Variants in MAGI3 observed in about 807,000 individuals in gnomAD.
MAGI3 encodes the protein membrane associated guanylate kinase, WW and PDZ domain containing 3, also known as membrane-associated guanylate kinase, WW and PDZ domain-containing protein 3.
A neutral mutation model predicts 121.8 loss-of-function variants in MAGI3; 43 were observed. The observed-to-expected ratio is 0.35, with a 90% CI of 0.28 to 0.46. The LOEUF is 0.46. MAGI3 is among the 20% of genes least tolerant of loss of function. MAGI3 has a pLI of 1.00. For missense variants in MAGI3, 1,547 were observed against 1,797.3 expected (o/e 0.86, Z 2.52); for synonymous variants, 553 against 639.3 (o/e 0.86, Z 2.04).
intron 9 of MAGI3, among the ~76,000 whole-genome samples, chr1:113,633,465 T>C (rs1328358920): frequency 6.0e-5 from 9 of 149,778 alleles, no homozygotes; most frequent in Non-Finnish European, 1.0e-4. Flanking sequence ...GTTTCACCGT[T>C]TTAGCCGGGA....
intron 1 of MAGI3, among the ~76,000 whole-genome samples, chr1:113,438,023 T>C (rs1403521500): frequency 6.6e-6 from 1 of 151,480 alleles, no homozygotes; most frequent in Non-Finnish European, 1.5e-5. Flanking sequence ...GGAACTCCTG[T>C]GCTCAAGTGA....
chr1:113,391,054 G>T lies in MAGI3; in HGVS notation c.21G>T (p.Lys7Asn). 6.3e-7 allele frequency: 1 copy of T among 1,590,890 alleles called. No individual in the cohort carries two copies. The highest frequency in any genetic ancestry group is 8.5e-7 in the Non-Finnish European group (1 of 1,169,854). ...TCGGGATGTCGAAGACGCTGAAGAA[G>T]AAGAAGCACTGGCTCAGCAAGGTGC... MSKTLK[K>N]KKHWLSKVQE... is the part of the protein sequence containing the mutation. Residue 7 changes from lysine to asparagine, a missense_variant, in exon 1 of 21, where the codon AAG (lysine) becomes AAT (asparagine). Transcript: ENST00000307546. The surrounding 1 kb of genome is among the most constrained non-coding windows in gnomAD (Gnocchi z 4.4).
At chr1:113,407,400 T>C (rs1651742519) in intron 1 of MAGI3, among the ~76,000 whole-genome samples, 1 of 152,122 alleles carries the variant, frequency 6.6e-6, no homozygotes, top group Non-Finnish European at 1.5e-5. Flanking sequence ...AGGTTTTTGC[T>C]TTGAGTAACT....
At chr1:113,680,525 AG>A (rs1277986604) in intron 19 of MAGI3, among the ~76,000 whole-genome samples, 2 of 152,180 alleles carry the variant, frequency 1.3e-5, no homozygotes, top group Admixed American at 1.3e-4. Flanking sequence ...TAGGAGGCTG[AG>A]GCGGGCGGAT....
At chr1:113,672,523 G>A (rs1372894839) in intron 17 of MAGI3, 92 bp from the exon 18 acceptor site, 1 of 1,414,124 alleles carries the variant, frequency 7.1e-7, no homozygotes, top group Non-Finnish European at 9.5e-7. Context: ...AAATGGCAAG[G>A]TCGAGCTTTT....
chr1:113,572,342 G>A (rs1647348395), intron 2 of MAGI3, among the ~76,000 whole-genome samples: 1 of 152,062 alleles, frequency 6.6e-6, no homozygotes. Context: ...TAGGGATATT[G>A]ACCTGAAACT....
intron 1 of MAGI3, among the ~76,000 whole-genome samples, chr1:113,437,806 T>TTCTTCTTCTTCTTCTTC (rs1653654507): frequency 8.4e-6 from 1 of 119,500 alleles, no homozygotes; most frequent in Non-Finnish European, 1.7e-5. Flanking sequence ...TCTTTCTTCT[T>TTCTTCTTCTTCTTCTTC]TTCTTCTTCT....
At chr1:113,469,715 A>T (rs970051050) in intron 1 of MAGI3, among the ~76,000 whole-genome samples, 4 of 152,112 alleles carry the variant, frequency 2.6e-5, no homozygotes, top group African/African-American at 9.7e-5. Context: ...AATAGGAGAG[A>T]TTTCTGCTTG....
At chr1:113,648,210 T>A (rs1165161531) in intron 12 of MAGI3, among the ~76,000 whole-genome samples, 1 of 152,186 alleles carries the variant, frequency 6.6e-6, no homozygotes, top group African/African-American at 2.4e-5. Flanking sequence ...TCTAAAGTTC[T>A]ACAATTTTAA....
intron 17 of MAGI3, 128 bp downstream of exon 17, chr1:113,671,964 A>C: frequency 1.2e-6 from 1 of 805,372 alleles, no homozygotes; most frequent in South Asian, 1.7e-5. Flanking sequence ...TTGAGGTCAA[A>C]ATGACAACTC....
At chr1:113,569,170 TAAATA>T (rs1161022970) in intron 2 of MAGI3, among the ~76,000 whole-genome samples, 7 of 152,100 alleles carry the variant, frequency 4.6e-5, no homozygotes, top group Non-Finnish European at 7.4e-5. Context: ...TAGCTACAAG[TAAATA>T]AAATAAAAGA....
At chr1:113,534,498 C>T (rs1022747711) in intron 1 of MAGI3, among the ~76,000 whole-genome samples, 1 of 152,114 alleles carries the variant, frequency 6.6e-6, no homozygotes, top group African/African-American at 2.4e-5. Context: ...TATCTATCCT[C>T]TCCATTCATT....
At chr1:113,678,640 A>G (rs1438224201) in intron 19 of MAGI3, among the ~76,000 whole-genome samples, 1 of 152,208 alleles carries the variant, frequency 6.6e-6, no homozygotes, top group Non-Finnish European at 1.5e-5. Context: ...GTAATGATAC[A>G]CTTTAAAATA....
In MAGI3 at chr1:113,642,492, G is replaced by A. The variant is rs772683176; in HGVS notation, c.1942G>A (p.Val648Ile). The change falls in exon 10 of 21, where the codon GTA becomes ATA. Residue 648 changes from valine (V) to isoleucine (I), a missense_variant. Coordinates refer to ENST00000307546, the MANE Select transcript of MAGI3 (RefSeq NM_001142782.2). The part of the protein sequence containing the change: ...VLKQFPVGAD[V>I]PLLILRGGPP... ...AAAGCAGTTTCCAGTAGGTGCTGAT[G>A]TACCATTGCTTATCTTAAGAGGAGG... 3 of 1,612,680 alleles carry A rather than the reference G, an allele frequency of 1.9e-6. No homozygotes were observed. The highest frequency in any genetic ancestry group is 2.5e-6 in the Non-Finnish European group (3 of 1,178,974).
chr1:113,590,185 A>C (rs1233932928), intron 4 of MAGI3, among the ~76,000 whole-genome samples: 2 of 152,124 alleles, frequency 1.3e-5, no homozygotes, highest in Non-Finnish European at 1.5e-5. Flanking sequence ...AAAGGACTAC[A>C]TTAGTGCTGC....
At position 113,662,875 on chromosome 1, in the gene MAGI3, CTTTT is replaced by C. The variant is rs562903320; in HGVS notation, c.2815+3615_2815+3618del. The stretch of plus-strand genomic sequence containing the variant: ...ATTCCTCTTGACATTTAGCTGTTGT[CTTTT>C]TTTTCTTTTTAATTGGGATAGACTT... On this transcript the variant is annotated intron_variant, in intron 16 of 20. Transcript: ENST00000307546. Among the ~76,000 whole-genome samples the C allele has an allele frequency of 3.3e-4, 50 of 151,282 alleles. No individual in the cohort carries two copies. The South Asian group carries it at 9.4e-3, about 28-fold the overall frequency.
intron 2 of MAGI3, among the ~76,000 whole-genome samples, chr1:113,568,283 A>G (rs933940202): frequency 1.1e-4 from 17 of 152,100 alleles, no homozygotes; most frequent in Non-Finnish European, 1.6e-4. Flanking sequence ...GTTTTTTAAA[A>G]ATACCTAGAA....
At chr1:113,421,476 C>T (rs1164287022) in intron 1 of MAGI3, among the ~76,000 whole-genome samples, 1 of 152,188 alleles carries the variant, frequency 6.6e-6, no homozygotes, top group Non-Finnish European at 1.5e-5. Flanking sequence ...AGACTCTAAA[C>T]CGAGGTTTCA....
chr1:113,470,308 T>A (rs1358198288), intron 1 of MAGI3, among the ~76,000 whole-genome samples: 1 of 152,158 alleles, frequency 6.6e-6, no homozygotes, highest in East Asian at 1.9e-4. Flanking sequence ...AGGTGTTGCA[T>A]GTCTGCAGAG....
Sources: allele counts gnomAD v4.1 joint callset (sites outside exome capture counted in the v4.1 genomes callset), GRCh38; gene constraint gnomAD v4.1.1; non-coding constraint Gnocchi (gnomAD v3.1); transcripts MANE v1.5; gene names NCBI Gene and HGNC (gene_info 2026-07-23, HGNC 2026-07-21).